Variants in ARID2 observed in about 807,000 individuals in gnomAD.
The protein encoded by ARID2 is AT-rich interaction domain 2.
In ARID2, 32 loss-of-function variants were observed where a neutral mutation model predicts 184.6. The ratio of observed to expected loss-of-function variants is 0.17; its 90% confidence interval spans 0.13 to 0.23. The LOEUF is 0.23. Among genes scored for constraint, ARID2 ranks in the 10% least tolerant of loss-of-function variants. The pLI is 1.00. For synonymous variants in ARID2, 836 were observed against 772.6 expected (o/e 1.08, Z -1.36); for missense variants, 1,696 against 2,197.6 (o/e 0.77, Z 4.56).
intron 20 of ARID2, among the ~76,000 whole-genome samples, chr12:45,899,643 A>T (rs1160158626): frequency 8.1e-6 from 1 of 123,558 alleles, no homozygotes; most frequent in African/African-American, 3.1e-5. Context: ...TTATATATAT[A>T]TATATTTGGT....
chr12:45,873,997 A>G (rs1004137138), intron 16 of ARID2: 2 of 152,200 alleles, frequency 1.3e-5, no homozygotes, highest in African/African-American at 4.8e-5. Context: ...GCTGCTTGAT[A>G]CCATTTTACC....
chr12:45,750,749 CTT>C (rs1327103068), intron 3 of ARID2, among the ~76,000 whole-genome samples: 1 of 152,146 alleles, frequency 6.6e-6, no homozygotes, highest in Non-Finnish European at 1.5e-5. Context: ...TTATTGAACA[CTT>C]ATTATTTGCC....
chr12:45,730,418 C>G (rs919656677), intron 2 of ARID2, among the ~76,000 whole-genome samples: 2 of 139,694 alleles, frequency 1.4e-5, no homozygotes, highest in African/African-American at 5.1e-5. Flanking sequence ...CTGAGCGCCG[C>G]GGCGGGGAAT....
intron 4 of ARID2, among the ~76,000 whole-genome samples, chr12:45,816,017 A>G (rs1434762121): frequency 1.3e-5 from 2 of 152,138 alleles, no homozygotes; most frequent in Non-Finnish European, 2.9e-5. Flanking sequence ...TAAACTTGTG[A>G]CAGCTTTATT....
chr12:45,837,562 G>A lies in ARID2; in HGVS notation c.1185G>A (p.Val395=), dbSNP rs1448982217. The change falls in exon 10 of 21, where the codon GTG becomes GTA. Residue 395 remains valine, a synonymous_variant. Coordinates refer to ENST00000334344, the MANE Select transcript of ARID2 (RefSeq NM_152641.4). ...ATGGTGTTTTAATTTGTGAATATGT[G>A]GATCAGGATTCCTACAGAGAGATCA... ...EDNGVLICEY[V]DQDSYREIIC... is the part of the protein sequence containing the mutation. The A allele has an allele frequency of 5.0e-6, 8 of 1,614,004 alleles. No individual in the cohort carries two copies. The highest frequency in any genetic ancestry group is 6.8e-6 in the Non-Finnish European group (8 of 1,179,964).
intron 6 of ARID2, among the ~76,000 whole-genome samples, chr12:45,827,626 T>C (rs1283007315): frequency 6.6e-6 from 1 of 152,026 alleles, no homozygotes; most frequent in Non-Finnish European, 1.5e-5. Context: ...GACATGTGAG[T>C]GTATGGTAAC....
intron 3 of ARID2, among the ~76,000 whole-genome samples, chr12:45,799,874 A>G (rs1273282481): frequency 2.0e-5 from 3 of 152,264 alleles, no homozygotes; most frequent in African/African-American, 7.2e-5. Context: ...CCTTCAGACA[A>G]GGTCTCAGTT....
intron 3 of ARID2, among the ~76,000 whole-genome samples, chr12:45,731,548 C>G (rs1414016647): frequency 6.6e-6 from 1 of 152,160 alleles, no homozygotes; most frequent in African/African-American, 2.4e-5. Flanking sequence ...GGTGACACCC[C>G]AGCCCCAATC....
intron 3 of ARID2, among the ~76,000 whole-genome samples, chr12:45,743,882 T>C (rs555116058): frequency 6.6e-6 from 1 of 152,316 alleles, no homozygotes; most frequent in East Asian, 1.9e-4. Context: ...ATTGAAAATG[T>C]GGTTTTCTGT....
intron 3 of ARID2, among the ~76,000 whole-genome samples, chr12:45,736,233 T>C (rs951549458): frequency 6.6e-6 from 1 of 152,112 alleles, no homozygotes; most frequent in Non-Finnish European, 1.5e-5. Context: ...GGCATGCACC[T>C]GTAGTCCCAG....
intron 3 of ARID2, among the ~76,000 whole-genome samples, chr12:45,751,245 G>A (rs184813927): frequency 2.6e-5 from 4 of 152,296 alleles, no homozygotes; most frequent in Admixed American, 2.6e-4. Context: ...GGAGAGAAAG[G>A]AGCAAACCAG....
intron 15 of ARID2, among the ~76,000 whole-genome samples, chr12:45,854,512 A>C (rs1943610153): frequency 2.0e-5 from 3 of 152,156 alleles, no homozygotes. Context: ...TTTCCACTTA[A>C]ACACAATTTT....
intron 6 of ARID2, among the ~76,000 whole-genome samples, chr12:45,829,113 T>A (rs1051377545): frequency 2.0e-5 from 3 of 152,206 alleles, no homozygotes; most frequent in African/African-American, 7.2e-5. Context: ...TTGGTTTTTT[T>A]CCCTCATATG....
chr12:45,767,941 G>A (rs570645123), intron 3 of ARID2, among the ~76,000 whole-genome samples: 3 of 152,232 alleles, frequency 2.0e-5, no homozygotes, highest in South Asian at 2.1e-4. Flanking sequence ...CCCACTTTCC[G>A]GTGAAACTGG....
intron 3 of ARID2, among the ~76,000 whole-genome samples, chr12:45,786,017 TA>T (rs747640584): frequency 2.6e-5 from 4 of 152,156 alleles, no homozygotes; most frequent in Non-Finnish European, 5.9e-5. Flanking sequence ...GAGAGGGTCA[TA>T]TTTCAAAAAA....
intron 3 of ARID2, among the ~76,000 whole-genome samples, chr12:45,784,803 A>G (rs1255254663): frequency 6.6e-6 from 1 of 152,256 alleles, no homozygotes; most frequent in African/African-American, 2.4e-5. Context: ...ACATACGAAG[A>G]AAATATTATT....
chr12:45,860,403 A>T (rs1048196385), intron 15 of ARID2, among the ~76,000 whole-genome samples: 12 of 152,182 alleles, frequency 7.9e-5, no homozygotes, highest in African/African-American at 2.9e-4. Flanking sequence ...CTAAAAGTAA[A>T]CATACAAAAA....
intron 5 of ARID2, among the ~76,000 whole-genome samples, chr12:45,819,243 A>C (rs1942855544): frequency 6.6e-6 from 1 of 152,166 alleles, no homozygotes; most frequent in African/African-American, 2.4e-5. Flanking sequence ...GGGTGCTCTA[A>C]GACAAGACCT....
rs1944542751 is a variant in ARID2 at position 45,907,391 on chromosome 12, G to T, written c.*2313G>T. The T allele has an allele frequency of 4.3e-6, 1 of 233,278 alleles. No individual in the cohort carries two copies. The highest frequency in any genetic ancestry group is 8.5e-6 in the Non-Finnish European group (1 of 117,906). The allele number at this position is 233,278 out of a possible 1,614,324, so 14.5% of individuals were successfully genotyped here. ...AACAAACTGCAGGTTTAGAAAAATGGTTTTCATATTCACCATTCTTCCACC... is the reference window on the plus strand; with the variant it reads ...AACAAACTGCAGGTTTAGAAAAATGTTTTTCATATTCACCATTCTTCCACC... On this transcript the variant is annotated 3_prime_UTR_variant, in exon 21 of 21. Coordinates refer to ENST00000334344, the MANE Select transcript of ARID2 (RefSeq NM_152641.4).
Sources: gnomAD v4.1 joint callset for allele counts (sites outside exome capture counted in the v4.1 genomes callset) on GRCh38, gnomAD v4.1.1 for gene constraint, MANE v1.5 for transcripts, NCBI Gene and HGNC (gene_info 2026-07-23, HGNC 2026-07-21) for gene names.